The following LPP variants were observed in gnomAD, a reference collection of about 807,000 sequenced individuals.
LPP encodes LIM domain containing preferred translocation partner in lipoma.
LPP carries 38 observed loss-of-function variants against 60.4 expected under a neutral mutation model. The observed-to-expected ratio is 0.63, with a 90% CI of 0.49 to 0.83. The LOEUF is 0.83. LPP is among the 40% of genes least tolerant of loss of function. The pLI is 0.00. For missense variants in LPP, 902 were observed against 783.6 expected (o/e 1.15, Z -1.80); for synonymous variants, 328 against 290.8 (o/e 1.13, Z -1.30).
intron 9 of LPP, among the ~76,000 whole-genome samples, chr3:188,864,385 T>C (rs1185341601): frequency 6.6e-6 from 1 of 152,358 alleles, no homozygotes; most frequent in East Asian, 1.9e-4. Flanking sequence ...CTTATTTCTA[T>C]TTCAGACAGT....
At chr3:188,309,882 G>T (rs1231494987) in intron 2 of LPP, among the ~76,000 whole-genome samples, 1 of 152,110 alleles carries the variant, frequency 6.6e-6, no homozygotes, top group Admixed American at 6.5e-5. Flanking sequence ...AAAACATGGA[G>T]TTCTGATCTG....
At chr3:188,830,336 G>A (rs1478290529) in intron 9 of LPP, among the ~76,000 whole-genome samples, 5 of 149,636 alleles carry the variant, frequency 3.3e-5, no homozygotes, top group South Asian at 2.1e-4. Flanking sequence ...TCAACCAGGC[G>A]CGGTGGCTCT....
At chr3:188,593,308 T>G (rs1839318211) in intron 6 of LPP, among the ~76,000 whole-genome samples, 1 of 151,918 alleles carries the variant, frequency 6.6e-6, no homozygotes, top group South Asian at 2.1e-4. Flanking sequence ...ACTCTTGCTC[T>G]CTCTCTCTCT....
At chr3:188,450,075 TTA>T (rs1796236912) in intron 4 of LPP, among the ~76,000 whole-genome samples, 1 of 152,162 alleles carries the variant, frequency 6.6e-6, no homozygotes, top group Non-Finnish European at 1.5e-5. Context: ...AATGCTGGGA[TTA>T]CAGGTGTGAG....
chr3:188,588,520 C>A (rs1438881657), intron 6 of LPP, among the ~76,000 whole-genome samples: 3 of 152,070 alleles, frequency 2.0e-5, no homozygotes, highest in Non-Finnish European at 4.4e-5. Flanking sequence ...AACTCTGGAG[C>A]CACAATGTGT....
intron 7 of LPP, among the ~76,000 whole-genome samples, chr3:188,647,491 T>C (rs1851330771): frequency 6.6e-6 from 1 of 152,228 alleles, no homozygotes; most frequent in South Asian, 2.1e-4. Flanking sequence ...AGCGTGTTTA[T>C]ACCTCAGGAC....
At chr3:188,261,359 GAC>G (rs59390902) in intron 2 of LPP, among the ~76,000 whole-genome samples, 22,637 of 151,276 alleles carry the variant, frequency 0.15, 2,164 homozygotes, top group South Asian at 0.22. Flanking sequence ...TCTCTACACA[GAC>G]ACACACACAC....
Position 188,609,337 on chromosome 3 carries a change from G to T in LPP, c.606G>T (p.Gln202His). The T allele has an allele frequency of 6.2e-7, 1 of 1,614,030 alleles. No homozygotes were observed. Among genetic ancestry groups the T allele is most frequent in the Non-Finnish European group, 8.5e-7 (1 of 1,180,004 alleles). The part of the protein sequence containing the change: ...PVAPIGTLKP[Q>H]PQPVPASYTT... The stretch of plus-strand genomic sequence containing the variant: ...CTCCAATCGGAACACTCAAACCCCA[G>T]CCTCAGCCAGTCCCAGCCTCCTACA... The change falls in exon 7 of 12, where the codon CAG becomes CAT. Residue 202 changes from glutamine to histidine, a missense_variant. Physicochemically the swap from Gln to His is conservative, Grantham distance 24. Coordinates refer to ENST00000617246, the MANE Select transcript of LPP (RefSeq NM_001375462.1). This position sits in a 1 kb window ranked among gnomAD's most constrained non-coding sequence, Gnocchi z 6.9.
intron 6 of LPP, among the ~76,000 whole-genome samples, chr3:188,547,956 A>C (rs1827107755): frequency 6.6e-6 from 1 of 152,174 alleles, no homozygotes; most frequent in African/African-American, 2.4e-5. Context: ...AAACCACTCA[A>C]CTGCAGTGTG....
Position 188,284,635 on chromosome 3 carries a change from A to G in LPP, c.-66-57028A>G, listed in dbSNP as rs142917670. 3.7e-3 allele frequency among the ~76,000 whole-genome samples: 570 copies of G among 152,340 alleles called. 6 individuals are homozygous for G. Among genetic ancestry groups the G allele is most frequent in the African/African-American group, 0.013 (534 of 41,576 alleles). ...TGTGTATGTGTGTATGTGTACCCAC[A>G]TACGTGCATGTGTGCATGAGTGTGT... On this transcript the variant is annotated intron_variant, in intron 2 of 11. Coordinates refer to ENST00000617246, the MANE Select transcript of LPP (RefSeq NM_001375462.1).
chr3:188,343,965 C>T (rs1351825842), intron 3 of LPP, among the ~76,000 whole-genome samples: 1 of 152,200 alleles, frequency 6.6e-6, no homozygotes, highest in Non-Finnish European at 1.5e-5. Context: ...CTGCTCTCAA[C>T]GTTGATCCAC....
intron 1 of LPP, among the ~76,000 whole-genome samples, chr3:188,207,153 T>A (rs1465058032): frequency 1.3e-5 from 2 of 151,958 alleles, no homozygotes; most frequent in African/African-American, 4.8e-5. Context: ...CTTTCTGAGT[T>A]AACTTCTGTT....
chr3:188,462,371 A>G (rs951031084), intron 4 of LPP, among the ~76,000 whole-genome samples: 4 of 151,304 alleles, frequency 2.6e-5, no homozygotes, highest in African/African-American at 9.7e-5. Context: ...TCAGTTTGAT[A>G]TGCTACTGCC....
chr3:188,453,135 T>G (rs1219587000), intron 4 of LPP, among the ~76,000 whole-genome samples: 1 of 152,150 alleles, frequency 6.6e-6, no homozygotes, highest in Non-Finnish European at 1.5e-5. Flanking sequence ...TCTCTTTGAC[T>G]CTTTCTTTCT....
At chr3:188,754,769 C>T (rs997036110) in intron 8 of LPP, among the ~76,000 whole-genome samples, 21 of 151,992 alleles carry the variant, frequency 1.4e-4, no homozygotes, top group African/African-American at 4.8e-4. Flanking sequence ...TTACATGCAT[C>T]AATACTACAG....
At chr3:188,265,734 G>C (rs1490207091) in intron 2 of LPP, among the ~76,000 whole-genome samples, 2 of 152,134 alleles carry the variant, frequency 1.3e-5, no homozygotes, top group African/African-American at 4.8e-5. Flanking sequence ...GGGAGGCTGA[G>C]TCTGGAGGTG....
chr3:188,801,285 T>C (rs565119107), intron 9 of LPP, among the ~76,000 whole-genome samples: 3 of 152,298 alleles, frequency 2.0e-5, no homozygotes, highest in African/African-American at 7.2e-5. Context: ...CCATGTAATA[T>C]AAATTATACA....
intron 6 of LPP, among the ~76,000 whole-genome samples, chr3:188,546,193 C>T (rs1826609878): frequency 6.6e-6 from 1 of 152,110 alleles, no homozygotes; most frequent in Non-Finnish European, 1.5e-5. Flanking sequence ...CAAACCAGCT[C>T]ATAAGTGGCA....
At chr3:188,203,400 A>AT (rs1243907397) in intron 1 of LPP, among the ~76,000 whole-genome samples, 3 of 64,310 alleles carry the variant, frequency 4.7e-5, no homozygotes, top group African/African-American at 1.5e-4. Context: ...ATTAATATAT[A>AT]TTTTTATAAA....
Sources: allele counts gnomAD v4.1 joint callset (sites outside exome capture counted in the v4.1 genomes callset), GRCh38; gene constraint gnomAD v4.1.1; non-coding constraint Gnocchi (gnomAD v3.1); transcripts MANE v1.5; gene names NCBI Gene and HGNC (gene_info 2026-07-23, HGNC 2026-07-21).